Variants in FAM149B1 observed in about 807,000 individuals in gnomAD.
FAM149B1 encodes the protein primary cilium assembly protein FAM149B1.
Under a neutral mutation model 75.3 loss-of-function variants are expected in FAM149B1, and 56 were observed. The observed-to-expected ratio is 0.74, with a 90% CI of 0.60 to 0.93. The LOEUF is 0.93. Ranked by LOEUF, FAM149B1 falls within the 40% of genes least tolerant of loss-of-function variation. The pLI is 0.00. For synonymous variants in FAM149B1, 259 were observed against 256.1 expected, an observed-to-expected ratio of 1.01 and a Z score of -0.11; for missense variants, 639 against 708.4, an observed-to-expected ratio of 0.90 and a Z score of 1.11.
chr10:73,193,455 T>C, intron 4 of FAM149B1, 22 bp from the exon 5 acceptor site: 1 of 1,542,374 alleles, frequency 6.5e-7, no homozygotes, highest in Non-Finnish European at 8.7e-7. Flanking sequence ...CTTAATTGTG[T>C]CTGTGTTTCT....
intron 3 of FAM149B1, among the ~76,000 whole-genome samples, chr10:73,185,419 C>T (rs2042495709): frequency 6.6e-6 from 1 of 152,064 alleles, no homozygotes; most frequent in African/African-American, 2.4e-5. Flanking sequence ...TATGGTGGCA[C>T]GTGCCTTTAG....
intron 5 of FAM149B1, among the ~76,000 whole-genome samples, chr10:73,202,947 C>G (rs2042974522): frequency 6.6e-6 from 1 of 152,140 alleles, no homozygotes; most frequent in South Asian, 2.1e-4. Flanking sequence ...TGCCACCTGC[C>G]ATGGTTAAGG....
chr10:73,174,906 T>C, intron 2 of FAM149B1, 115 bp downstream of exon 2: 1 of 686,276 alleles, frequency 1.5e-6, no homozygotes, highest in Non-Finnish European at 2.6e-6. Context: ...GCAAGAATTT[T>C]TGTCATGTTC....
intron 1 of FAM149B1, among the ~76,000 whole-genome samples, chr10:73,172,991 T>C (rs1437232097): frequency 2.7e-5 from 4 of 150,786 alleles, no homozygotes; most frequent in African/African-American, 9.7e-5. Context: ...TGGTGGTGAG[T>C]ACCTGTAGTC....
intron 9 of FAM149B1, 91 bp from the exon 10 acceptor site, chr10:73,232,848 G>C: frequency 1.3e-6 from 1 of 754,718 alleles, no homozygotes; most frequent in South Asian, 1.6e-5. Context: ...CCTAAATGTA[G>C]TTTCTAGTCT....
intron 7 of FAM149B1, among the ~76,000 whole-genome samples, chr10:73,212,262 G>A (rs1589169131): frequency 1.3e-5 from 2 of 152,088 alleles, no homozygotes; most frequent in Admixed American, 6.6e-5. Flanking sequence ...ATAATGGAGC[G>A]ATAAACATAT....
chr10:73,236,920 G>A (rs1251260629), intron 12 of FAM149B1, among the ~76,000 whole-genome samples: 1 of 150,424 alleles, frequency 6.6e-6, no homozygotes, highest in African/African-American at 2.5e-5. Flanking sequence ...CACTATGTTG[G>A]CCAGACTGGT....
rs542574114 is a variant in FAM149B1, at chr10:73,194,051, A to G, written c.542+458A>G. ...TTATAAAGCTACCAGTTCCCCTTCC[A>G]TGATAACCCATTAATCCATACATGG... On this transcript the variant is annotated intron_variant, in intron 5 of 13. Transcript: ENST00000242505. Among the ~76,000 whole-genome samples the G allele has an allele frequency of 5.9e-5, 9 of 152,216 alleles. No homozygotes were observed. In the South Asian group the frequency reaches 1.9e-3, roughly 32 times the overall value.
chr10:73,192,440 A>G, intron 3 of FAM149B1, 116 bp from the exon 4 acceptor site: 1 of 1,020,404 alleles, frequency 9.8e-7, no homozygotes, highest in Non-Finnish European at 1.4e-6. Context: ...ACACAGCAGT[A>G]TTTCAAGTAG....
chr10:73,233,004 CA>C lies in FAM149B1; in HGVS notation c.1196del (p.Asn399IlefsTer68), dbSNP rs1564715255. 1 of 1,551,906 alleles carries C rather than the reference CA, an allele frequency of 6.4e-7. No homozygotes were observed. The highest frequency in any genetic ancestry group is 8.7e-7 in the Non-Finnish European group (1 of 1,146,976). On this transcript the variant is annotated frameshift_variant, in exon 10 of 14. Transcript: ENST00000242505. LOFTEE classifies it high-confidence loss of function. ...ACCATCCTTTCAACTCGAAATTGGC[CA>C]AATCGAGCTGTGGAGTTTAGTACAT... ...SSTILSTRNW[P>X]NRAVEFSTSS...
rs559351557 is a variant in FAM149B1 at position 73,188,566 on chromosome 10, C to CA, written c.283-3984dup. On this transcript the variant is annotated intron_variant, in intron 3 of 13. Coordinates refer to ENST00000242505, the MANE Select transcript of FAM149B1 (RefSeq NM_173348.2). Reference sequence around the variant, plus strand: ...TGAAGCCCCGTCTCTCTTAAAAATACAAAAAATTAGCCAGGCGTGGTGGCA... The same window carrying CA: ...TGAAGCCCCGTCTCTCTTAAAAATACAAAAAAATTAGCCAGGCGTGGTGGCA... Among the ~76,000 whole-genome samples, 70 of 151,902 alleles carry CA rather than the reference C, an allele frequency of 4.6e-4. 1 individual carries two copies. In the East Asian group the frequency reaches 0.012, roughly 25 times the overall value.
rs2043941521 is a variant in FAM149B1, at chr10:73,241,050, G to A, written c.*31G>A. 8.1e-7 allele frequency: 1 copy of A among 1,228,760 alleles called. No homozygotes were observed. The highest frequency in any genetic ancestry group is 1.2e-6 in the Non-Finnish European group (1 of 857,218). The allele number at this position is 1,228,760 out of a possible 1,614,324, so 76.1% of individuals were successfully genotyped here. ...ATGAGAAGAATCTATCAGGCTGCAG[G>A]AAACACGAGATTTCATGAAGCAGTA... is the stretch of plus-strand genomic sequence containing the variant. On this transcript the variant is annotated 3_prime_UTR_variant, in exon 14 of 14. Coordinates refer to ENST00000242505, the MANE Select transcript of FAM149B1 (RefSeq NM_173348.2).
chr10:73,208,659 T>TA lies in FAM149B1; in HGVS notation c.584dup (p.Tyr195Ter), dbSNP rs1564700076. Residue 195 changes from tyrosine to a stop codon, truncating the protein, a stop_gained and frameshift_variant, in exon 6 of 14, where the codon TAT becomes TAAT. Transcript: ENST00000242505. LOFTEE classifies it high-confidence loss of function. Reference protein sequence around the residue: ...RGKKLHFSSSYAHKASSIAKS... With the variant: ...RGKKLHFSSS ...AAAGAAGTTACATTTTTCATCTTCT[T>TA]ATGCTCATAAAGCATCTTCCATTGC... is the stretch of plus-strand genomic sequence containing the variant. 1.3e-6 allele frequency: 2 copies of TA among 1,545,454 alleles called. No homozygotes were observed. The highest frequency in any genetic ancestry group is 2.0e-5 in the Admixed American group (1 of 50,380).
At chr10:73,174,129 A>G (rs1843836955) in intron 1 of FAM149B1, among the ~76,000 whole-genome samples, 1 of 152,208 alleles carries the variant, frequency 6.6e-6, no homozygotes, top group African/African-American at 2.4e-5. Flanking sequence ...GAACATTTGT[A>G]TACAGATTTT....
chr10:73,217,928 G>C (rs1263437326), intron 7 of FAM149B1, among the ~76,000 whole-genome samples: 1 of 152,144 alleles, frequency 6.6e-6, no homozygotes, highest in Non-Finnish European at 1.5e-5. Context: ...TCCCATTGTA[G>C]CATCAGCTCA....
At chr10:73,225,193 G>C (rs1351224979) in intron 7 of FAM149B1, among the ~76,000 whole-genome samples, 1 of 152,164 alleles carries the variant, frequency 6.6e-6, no homozygotes, top group African/African-American at 2.4e-5. Context: ...TTTATCATTA[G>C]AGTGTTCTCC....
At chr10:73,220,934 A>G (rs1020692693) in intron 7 of FAM149B1, among the ~76,000 whole-genome samples, 18 of 152,256 alleles carry the variant, frequency 1.2e-4, no homozygotes, top group African/African-American at 4.3e-4. Flanking sequence ...GCAATGGAAT[A>G]TTATTCAGCC....
intron 5 of FAM149B1, among the ~76,000 whole-genome samples, chr10:73,201,527 G>A (rs1346892178): frequency 1.3e-5 from 2 of 152,036 alleles, no homozygotes; most frequent in African/African-American, 4.8e-5. Flanking sequence ...TAGATGTTTT[G>A]TATTATTTAA....
chr10:73,175,905 GCA>G (rs1843943616), intron 2 of FAM149B1, among the ~76,000 whole-genome samples: 1 of 152,032 alleles, frequency 6.6e-6, no homozygotes, highest in African/African-American at 2.4e-5. Context: ...AACCTTTTTG[GCA>G]CCAGGGACCA....
Sources: gnomAD v4.1 joint callset for allele counts (sites outside exome capture counted in the v4.1 genomes callset) on GRCh38, gnomAD v4.1.1 for gene constraint, MANE v1.5 for transcripts, NCBI Gene and HGNC (gene_info 2026-07-23, HGNC 2026-07-21) for gene names.